ABCA12: variants seen among roughly 807,000 people sequenced by gnomAD.
ABCA12 encodes the protein glucosylceramide transporter ABCA12.
In ABCA12, 156 loss-of-function variants were observed where a neutral mutation model predicts 293.5. The ratio of observed to expected loss-of-function variants is 0.53; its 90% CI spans 0.47 to 0.61. The LOEUF (loss-of-function observed/expected upper bound fraction) is 0.61. Ranked by LOEUF, ABCA12 falls within the 20% of genes least tolerant of loss-of-function variation. ABCA12 has a pLI of 0.00. For synonymous variants in ABCA12, 1,063 were observed against 1,108.0 expected (o/e 0.96, Z 0.81); for missense variants, 2,797 against 3,090.2 (o/e 0.91, Z 2.25).
chr2:215,052,546 G>T lies in ABCA12; in HGVS notation c.448C>A (p.Pro150Thr). The T allele has an allele frequency of 6.2e-7, 1 of 1,612,498 alleles. No homozygotes were observed. The highest frequency in any genetic ancestry group is 8.5e-7 in the Non-Finnish European group (1 of 1,178,944). Residue 150 changes from proline (P) to threonine (T), a missense_variant, in exon 5 of 53, where the codon CCC (proline) becomes ACC (threonine). Pro to Thr is a conservative substitution (Grantham distance 38, BLOSUM62 -1). This residue lies in a region of ABCA12 where 656 missense variants were observed against 638.2 expected (regional missense o/e 1.03). Coordinates refer to ENST00000272895, the MANE Select transcript of ABCA12 (RefSeq NM_173076.3). ...CTGCCATTGAAAGTATATGTTCCGG[G>T]GATTTCCAAATCAGAACTTGGACTG... ...FPSPSSDLEI[P>T]GTYTFNGSQV...
At chr2:215,125,074 T>C (rs1702894011) in intron 1 of ABCA12, among the ~76,000 whole-genome samples, 1 of 151,790 alleles carries the variant, frequency 6.6e-6, no homozygotes, top group Admixed American at 6.6e-5. Flanking sequence ...TTTCCCCACT[T>C]TATGATTTTG....
intron 22 of ABCA12, 31 bp downstream of exon 22, chr2:215,000,674 C>A: frequency 6.2e-7 from 1 of 1,612,356 alleles, no homozygotes; most frequent in South Asian, 1.1e-5. Flanking sequence ...AGTTGTTGAT[C>A]ATTAAAAAGG....
chr2:215,023,529 A>C (rs989102499), intron 11 of ABCA12: 5 of 152,186 alleles, frequency 3.3e-5, no homozygotes, highest in Non-Finnish European at 7.3e-5. Context: ...GTCCCATCCT[A>C]TTAGTATAAA....
chr2:215,010,336 C>G lies in ABCA12; in HGVS notation c.2467G>C (p.Glu823Gln), dbSNP rs1204860620. 1.2e-6 allele frequency: 2 copies of G among 1,613,594 alleles called. No homozygotes were observed. Residue 823 changes from glutamate to glutamine, a missense_variant, in exon 18 of 53, where the codon GAA becomes CAA. By Grantham distance (29) the Glu-to-Gln change is conservative. Transcript: ENST00000272895. ...PYNPVTKAIM[E>Q]KSNVTLRQLA... ...CTGAGTTATAATGGTCAAACCTTTT[C>G]CATTATTGCCTTTGTGACTGGGTTA...
intron 2 of ABCA12, among the ~76,000 whole-genome samples, chr2:215,072,317 G>A (rs1015253220): frequency 6.6e-6 from 1 of 152,120 alleles, no homozygotes; most frequent in African/African-American, 2.4e-5. Context: ...AGGACATAGG[G>A]ACATTTTTTG....
intron 45 of ABCA12, 22 bp downstream of exon 45, chr2:214,950,857 G>C (rs764451380): frequency 6.2e-7 from 1 of 1,609,850 alleles, no homozygotes; most frequent in Non-Finnish European, 8.5e-7. Context: ...AGGACAGTTA[G>C]AAACAAAACA....
At chr2:215,099,184 T>C (rs928106545) in intron 2 of ABCA12, among the ~76,000 whole-genome samples, 3 of 152,222 alleles carry the variant, frequency 2.0e-5, no homozygotes, top group African/African-American at 4.8e-5. Context: ...CCACTCTGTC[T>C]TGAGGACACT....
At chr2:214,945,920 C>T (rs1396510830) in intron 48 of ABCA12, among the ~76,000 whole-genome samples, 1 of 152,022 alleles carries the variant, frequency 6.6e-6, no homozygotes, top group Non-Finnish European at 1.5e-5. Flanking sequence ...TTACTGGAGG[C>T]TGGAGGCATA....
In ABCA12 at chr2:214,948,735, G is replaced by T; in HGVS notation, c.6965C>A (p.Ser2322Tyr). The T allele has an allele frequency of 6.2e-7, 1 of 1,614,020 alleles. No homozygotes were observed. The highest frequency in any genetic ancestry group is 1.3e-5 in the African/African-American group (1 of 75,014). ...GNILIRNKTG[S>Y]LGHVDSHSSL... ...GCTGTGAGAATCAACGTGACCCAGAGATCTGAATTGAGAGAATCAAAAACA... is the reference window on the plus strand; with the variant it reads ...GCTGTGAGAATCAACGTGACCCAGATATCTGAATTGAGAGAATCAAAAACA... The change falls in exon 47 of 53, where the codon TCT becomes TAT. Residue 2322 changes from serine (S) to tyrosine (Y), a missense_variant and splice_region_variant. Transcript: ENST00000272895.
At chr2:214,989,023 A>G (rs1699849367) in intron 26 of ABCA12, among the ~76,000 whole-genome samples, 1 of 150,496 alleles carries the variant, frequency 6.6e-6, no homozygotes, top group South Asian at 2.1e-4. Flanking sequence ...TATTAAAAAT[A>G]CAAAAATTAG....
At chr2:215,050,553 ATAGT>A (rs1391796303) in intron 5 of ABCA12, among the ~76,000 whole-genome samples, 3 of 152,236 alleles carry the variant, frequency 2.0e-5, no homozygotes, top group Admixed American at 6.5e-5. Context: ...AGAGCTGATG[ATAGT>A]TAGTTGTCAG....
intron 2 of ABCA12, among the ~76,000 whole-genome samples, chr2:215,080,355 C>T (rs552504874): frequency 5.9e-5 from 9 of 151,960 alleles, no homozygotes; most frequent in Admixed American, 2.6e-4. Flanking sequence ...AAAAATTAGC[C>T]GGACGTGGTA....
chr2:215,008,405 AC>A (rs1700300349), intron 18 of ABCA12, among the ~76,000 whole-genome samples: 1 of 152,128 alleles, frequency 6.6e-6, no homozygotes, highest in African/African-American at 2.4e-5. Context: ...AAACACACAC[AC>A]ACACACACAA....
chr2:215,027,989 A>G (rs1448451363), intron 9 of ABCA12, among the ~76,000 whole-genome samples: 4 of 152,164 alleles, frequency 2.6e-5, no homozygotes, highest in South Asian at 4.1e-4. Context: ...TGTGCGTATT[A>G]TGTGTGCTCT....
intron 2 of ABCA12, among the ~76,000 whole-genome samples, chr2:215,081,670 AG>A (rs1288589226): frequency 6.6e-6 from 1 of 152,158 alleles, no homozygotes; most frequent in African/African-American, 2.4e-5. Flanking sequence ...ACTACTTTAT[AG>A]TACATTACCA....
At chr2:215,053,583 T>C (rs1325335912) in intron 4 of ABCA12, among the ~76,000 whole-genome samples, 1 of 152,030 alleles carries the variant, frequency 6.6e-6, no homozygotes, top group Non-Finnish European at 1.5e-5. Flanking sequence ...AACAGAACAT[T>C]AACTCCTCAA....
intron 2 of ABCA12, among the ~76,000 whole-genome samples, chr2:215,087,592 G>T (rs1011019043): frequency 1.3e-5 from 2 of 151,718 alleles, no homozygotes; most frequent in African/African-American, 4.8e-5. Context: ...AATTTCAATT[G>T]GCATGATTCT....
At chr2:215,014,468 T>G (rs1700445547) in intron 15 of ABCA12, among the ~76,000 whole-genome samples, 1 of 152,160 alleles carries the variant, frequency 6.6e-6, no homozygotes, top group Admixed American at 6.5e-5. Context: ...GAGATTTTAG[T>G]GATGAGGAAT....
chr2:215,121,289 A>G (rs986653853), intron 1 of ABCA12, among the ~76,000 whole-genome samples: 1 of 152,206 alleles, frequency 6.6e-6, no homozygotes, highest in Non-Finnish European at 1.5e-5. Flanking sequence ...TTTGAATACT[A>G]TACTTTTATT....
Sources: gnomAD v4.1 joint callset for allele counts (sites outside exome capture counted in the v4.1 genomes callset) on GRCh38, gnomAD v4.1.1 for gene constraint, gnomAD v4.1.1 regional missense constraint, MANE v1.5 for transcripts, NCBI Gene and HGNC (gene_info 2026-07-23, HGNC 2026-07-21) for gene names.